The following AP3B1 variants were observed in gnomAD, a reference collection of about 807,000 sequenced individuals.
The protein encoded by AP3B1 is AP-3 complex subunit beta-1.
AP3B1 carries 61 observed loss-of-function variants against 132.5 expected under a neutral mutation model. The ratio of observed to expected loss-of-function variants is 0.46; its 90% CI spans 0.37 to 0.57. The LOEUF (loss-of-function observed/expected upper bound fraction) is 0.57. Among genes scored for constraint, AP3B1 ranks in the 20% least tolerant of loss-of-function variants. The pLI is 0.00. For synonymous variants in AP3B1, 388 were observed against 438.3 expected (o/e 0.89, Z 1.43); for missense variants, 1,120 against 1,289.4 (o/e 0.87, Z 2.01).
chr5:78,277,471 A>T (rs1748831389), intron 1 of AP3B1, among the ~76,000 whole-genome samples: 1 of 152,218 alleles, frequency 6.6e-6, no homozygotes, highest in African/African-American at 2.4e-5. Context: ...ACATAAAGAA[A>T]GATCAGATAA....
At chr5:78,126,775 A>G (rs1752483653) in intron 17 of AP3B1, among the ~76,000 whole-genome samples, 1 of 152,130 alleles carries the variant, frequency 6.6e-6, no homozygotes, top group African/African-American at 2.4e-5. Context: ...TCCTCTTCTC[A>G]TATTACATAA....
chr5:78,253,320 C>T (rs1182358588), intron 2 of AP3B1, among the ~76,000 whole-genome samples: 1 of 152,232 alleles, frequency 6.6e-6, no homozygotes. Flanking sequence ...TGCCCAGACA[C>T]CAAAGAACAT....
At chr5:78,030,080 G>A (rs568314587) in intron 24 of AP3B1, among the ~76,000 whole-genome samples, 88 of 151,876 alleles carry the variant, frequency 5.8e-4, no homozygotes, top group South Asian at 2.7e-3. Context: ...GATAAATTTC[G>A]TAGAATGCTT....
chr5:78,050,355 A>C (rs566548724), intron 22 of AP3B1, among the ~76,000 whole-genome samples: 1 of 152,326 alleles, frequency 6.6e-6, no homozygotes, highest in South Asian at 2.1e-4. Flanking sequence ...TATTAAACTT[A>C]ATTTTACCCT....
chr5:78,053,686 A>AC (rs1748683265), intron 22 of AP3B1, among the ~76,000 whole-genome samples: 1 of 144,802 alleles, frequency 6.9e-6, no homozygotes, highest in Non-Finnish European at 1.5e-5. Flanking sequence ...CTCAAAAAAA[A>AC]AAAAAAAAAA....
intron 15 of AP3B1, among the ~76,000 whole-genome samples, chr5:78,133,547 A>C (rs1410912109): frequency 6.6e-6 from 1 of 152,242 alleles, no homozygotes; most frequent in Admixed American, 6.5e-5. Context: ...TGGAGACAAC[A>C]GGCATAAATT....
intron 21 of AP3B1, among the ~76,000 whole-genome samples, chr5:78,094,363 A>C (rs1366139076): frequency 6.6e-6 from 1 of 152,222 alleles, no homozygotes; most frequent in African/African-American, 2.4e-5. Context: ...TGATCTAAAG[A>C]AACTGTGGAA....
chr5:78,285,683 T>G (rs1749247616), intron 1 of AP3B1, among the ~76,000 whole-genome samples: 1 of 152,106 alleles, frequency 6.6e-6, no homozygotes, highest in Non-Finnish European at 1.5e-5. Flanking sequence ...AAAATTCCTC[T>G]TTGCACAATA....
rs565501703 is a variant in AP3B1 at position 78,141,091 on chromosome 5, G to T, written c.1650+52C>A. The stretch of plus-strand genomic sequence containing the variant: ...GGCACAGACCCCCGCTGTTTGATCA[G>T]AGTGAAGAGGAAAGTACGTATTAGA... On this transcript the variant is annotated intron_variant, in intron 15 of 26. Transcript: ENST00000255194. The T allele has an allele frequency of 3.6e-5, 55 of 1,538,508 alleles. No individual in the cohort carries two copies. In the South Asian group the frequency reaches 5.5e-4, roughly 15 times the overall value.
chr5:78,096,732 C>T (rs1404674046), intron 21 of AP3B1, among the ~76,000 whole-genome samples: 8 of 150,272 alleles, frequency 5.3e-5, no homozygotes, highest in East Asian at 2.0e-4. Flanking sequence ...ACCCTCCACC[C>T]GGCAACTGCC....
chr5:78,059,054 T>C (rs893305602), intron 22 of AP3B1, among the ~76,000 whole-genome samples: 3 of 152,246 alleles, frequency 2.0e-5, no homozygotes, highest in African/African-American at 7.2e-5. Flanking sequence ...AAAAGGGAAT[T>C]AATGTTGCCA....
At chr5:78,272,325 G>C (rs1419635931) in intron 1 of AP3B1, among the ~76,000 whole-genome samples, 1 of 152,098 alleles carries the variant, frequency 6.6e-6, no homozygotes, top group Non-Finnish European at 1.5e-5. Flanking sequence ...AACCACCTTG[G>C]GCACAGGTTC....
chr5:78,099,969 G>A (rs1751061241), intron 21 of AP3B1, among the ~76,000 whole-genome samples: 1 of 152,078 alleles, frequency 6.6e-6, no homozygotes, highest in Non-Finnish European at 1.5e-5. Context: ...ACTCCAAAGA[G>A]CTGTACCTAT....
Position 78,089,411 on chromosome 5 carries a change from A to G in AP3B1, c.2559T>C (p.Thr853=), listed in dbSNP as rs1750414623. 1 of 1,611,376 alleles carries G rather than the reference A, an allele frequency of 6.2e-7. No individual in the cohort carries two copies. Among genetic ancestry groups the G allele is most frequent in the African/African-American group, 1.3e-5 (1 of 74,846 alleles). The change falls in exon 22 of 27, where the codon ACT becomes ACC. Residue 853 remains threonine (T), a synonymous_variant. Transcript: ENST00000255194. ...MADLEGLHLS[T]SSSVISVSTP... ...AACTTACACTGATGACTGAAGAGGAAGTTGACAAGTGTAAACCTTCAAGAT... is the reference window on the plus strand; with the variant it reads ...AACTTACACTGATGACTGAAGAGGAGGTTGACAAGTGTAAACCTTCAAGAT...
At chr5:78,120,271 G>A (rs1003042077) in intron 17 of AP3B1, among the ~76,000 whole-genome samples, 1 of 152,218 alleles carries the variant, frequency 6.6e-6, no homozygotes. Flanking sequence ...AGGCTAGGAA[G>A]AAACTGCATC....
At chr5:78,265,578 T>C (rs1748289003) in intron 2 of AP3B1, among the ~76,000 whole-genome samples, 1 of 152,222 alleles carries the variant, frequency 6.6e-6, no homozygotes, top group Non-Finnish European at 1.5e-5. Flanking sequence ...TCATGCTCCT[T>C]TCTAAGTCTG....
chr5:78,021,247 A>G (rs1747082302), intron 24 of AP3B1, among the ~76,000 whole-genome samples: 1 of 152,090 alleles, frequency 6.6e-6, no homozygotes, highest in Non-Finnish European at 1.5e-5. Context: ...GAGTGACCAT[A>G]TTGTGTTTAG....
chr5:78,005,662 G>T (rs924291511), intron 26 of AP3B1, among the ~76,000 whole-genome samples: 1 of 152,172 alleles, frequency 6.6e-6, no homozygotes, highest in Non-Finnish European at 1.5e-5. Flanking sequence ...GGACACAAAT[G>T]GTGGAAGCAA....
intron 24 of AP3B1, among the ~76,000 whole-genome samples, chr5:78,025,512 T>C (rs1446132049): frequency 1.3e-5 from 2 of 152,342 alleles, no homozygotes; most frequent in Middle Eastern, 3.4e-3. Context: ...CAATGAATTA[T>C]AAACAGAACT....
Sources: gnomAD v4.1 joint callset for allele counts (sites outside exome capture counted in the v4.1 genomes callset) on GRCh38, gnomAD v4.1.1 for gene constraint, MANE v1.5 for transcripts, NCBI Gene and HGNC (gene_info 2026-07-23, HGNC 2026-07-21) for gene names.